The following MTUS2 variants were observed in gnomAD, a reference collection of about 807,000 sequenced individuals.
MTUS2 encodes microtubule-associated tumor suppressor candidate 2.
MTUS2 carries 40 observed loss-of-function variants against 114.1 expected under a neutral mutation model. That is an observed-to-expected ratio of 0.35 (90% CI 0.27 to 0.46). The LOEUF is 0.46. Among genes scored for constraint, MTUS2 ranks in the 20% least tolerant of loss-of-function variants. MTUS2 has a pLI of 1.00. For synonymous variants in MTUS2, 688 were observed against 672.0 expected, an observed-to-expected ratio of 1.02 and a Z score of -0.37; for missense variants, 1,679 against 1,705.4, an observed-to-expected ratio of 0.98 and a Z score of 0.27.
chr13:29,175,894 A>G (rs137956063), intron 5 of MTUS2, among the ~76,000 whole-genome samples: 18 of 152,262 alleles, frequency 1.2e-4, no homozygotes, highest in South Asian at 4.1e-4. Context: ...TTAAAGTACA[A>G]CTGTAACAGA....
At chr13:29,269,489 A>G (rs1390642432) in intron 5 of MTUS2, among the ~76,000 whole-genome samples, 1 of 152,216 alleles carries the variant, frequency 6.6e-6, no homozygotes, top group Non-Finnish European at 1.5e-5. Context: ...CACATCCAAA[A>G]TGAATACCAC....
chr13:29,429,129 A>G (rs1421759915), intron 8 of MTUS2, among the ~76,000 whole-genome samples: 1 of 152,216 alleles, frequency 6.6e-6, no homozygotes, highest in Non-Finnish European at 1.5e-5. Flanking sequence ...TGCAGTCTCA[A>G]ATGTAACTGT....
At chr13:28,927,492 G>C (rs1881386995) in intron 2 of MTUS2, among the ~76,000 whole-genome samples, 2 of 152,294 alleles carry the variant, frequency 1.3e-5, no homozygotes, top group Admixed American at 1.3e-4. Flanking sequence ...CTTGAGTCCA[G>C]GAGTTGGAGG....
At chr13:29,191,856 T>C (rs1307690026) in intron 5 of MTUS2, among the ~76,000 whole-genome samples, 4 of 152,370 alleles carry the variant, frequency 2.6e-5, no homozygotes, top group African/African-American at 9.6e-5. Flanking sequence ...CATCAATTTC[T>C]ATGCCTTCTT....
At chr13:29,159,084 A>G (rs1892988716) in intron 5 of MTUS2, among the ~76,000 whole-genome samples, 1 of 152,184 alleles carries the variant, frequency 6.6e-6, no homozygotes, top group Non-Finnish European at 1.5e-5. Flanking sequence ...ACCGTGGAGA[A>G]TGTTCGTGAT....
intron 2 of MTUS2, among the ~76,000 whole-genome samples, chr13:28,852,630 C>T (rs570338379): frequency 3.9e-5 from 6 of 152,062 alleles, no homozygotes; most frequent in East Asian, 1.9e-4. Flanking sequence ...TTTGGGAGGT[C>T]GAGGTGGGTG....
chr13:28,968,302 G>A (rs867654587), intron 2 of MTUS2, among the ~76,000 whole-genome samples: 24 of 152,206 alleles, frequency 1.6e-4, no homozygotes, highest in African/African-American at 5.5e-4. Flanking sequence ...ATATGCTTAG[G>A]TATTTAAAGG....
rs144128889 is a variant in MTUS2, at chr13:29,456,651, A to G, written c.3184+16602A>G. Among the ~76,000 whole-genome samples, 584 of 152,292 alleles carry G rather than the reference A, an allele frequency of 3.8e-3. 4 individuals are homozygous for G. Among genetic ancestry groups the G allele is most frequent in the African/African-American group, 0.013 (539 of 41,562 alleles). ...TACATGTAGGGGAACAAGGATGTAAATGACAGTTGGCCTTATCAGAAATGA... is the reference window on the plus strand; with the variant it reads ...TACATGTAGGGGAACAAGGATGTAAGTGACAGTTGGCCTTATCAGAAATGA... On this transcript the variant is annotated intron_variant, in intron 9 of 15. Transcript: ENST00000612955.
intron 2 of MTUS2, among the ~76,000 whole-genome samples, chr13:28,955,763 T>C (rs1883031118): frequency 1.3e-5 from 2 of 151,912 alleles, no homozygotes; most frequent in African/African-American, 4.8e-5. Context: ...AGCACCCACT[T>C]GACCTGGCAC....
intron 5 of MTUS2, among the ~76,000 whole-genome samples, chr13:29,230,355 C>T (rs936239573): frequency 2.6e-5 from 4 of 152,314 alleles, no homozygotes; most frequent in African/African-American, 7.2e-5. Flanking sequence ...ATAAAATCAC[C>T]TTGTGAGACT....
chr13:29,479,773 G>T (rs925680865), intron 9 of MTUS2, among the ~76,000 whole-genome samples: 2 of 152,204 alleles, frequency 1.3e-5, no homozygotes, highest in Non-Finnish European at 2.9e-5. Context: ...CACCCAGGGC[G>T]TATTTCAGAG....
At chr13:29,237,873 A>G (rs1011588381) in intron 5 of MTUS2, among the ~76,000 whole-genome samples, 1 of 152,184 alleles carries the variant, frequency 6.6e-6, no homozygotes, top group African/African-American at 2.4e-5. Flanking sequence ...AGCACCTCAC[A>G]CCCATTAAGA....
At chr13:29,402,521 T>TA (rs35043483) in intron 8 of MTUS2, among the ~76,000 whole-genome samples, 29,985 of 151,932 alleles carry the variant, frequency 0.2, 3,121 homozygotes, top group Middle Eastern at 0.26. Flanking sequence ...AAACAGAAGA[T>TA]ACAGGAAGAA....
chr13:28,937,608 C>T (rs916003603), intron 2 of MTUS2, among the ~76,000 whole-genome samples: 8 of 152,202 alleles, frequency 5.3e-5, no homozygotes, highest in Admixed American at 2.6e-4. Flanking sequence ...ACTCTGGACA[C>T]AGTTTCACAC....
intron 2 of MTUS2, among the ~76,000 whole-genome samples, chr13:28,931,438 A>G (rs549715466): frequency 6.6e-6 from 1 of 152,076 alleles, no homozygotes; most frequent in African/African-American, 2.4e-5. Context: ...ACAAGATATG[A>G]TGTTTTTATA....
At chr13:29,199,924 G>C (rs1894869328) in intron 5 of MTUS2, among the ~76,000 whole-genome samples, 1 of 151,992 alleles carries the variant, frequency 6.6e-6, no homozygotes, top group Non-Finnish European at 1.5e-5. Context: ...GTCTTGGGAG[G>C]GGTGTTTGTG....
intron 5 of MTUS2, among the ~76,000 whole-genome samples, chr13:29,169,711 C>T (rs754378122): frequency 6.6e-6 from 1 of 152,084 alleles, no homozygotes; most frequent in Non-Finnish European, 1.5e-5. Flanking sequence ...TTTTTCTTAT[C>T]CTGCTGAACT....
intron 5 of MTUS2, among the ~76,000 whole-genome samples, chr13:29,200,847 A>G (rs919375402): frequency 5.3e-5 from 8 of 152,090 alleles, no homozygotes; most frequent in African/African-American, 1.9e-4. Context: ...CCCGAGTTCT[A>G]ATTTGATTGC....
At chr13:29,342,165 TG>T (rs1566142304) in intron 7 of MTUS2, among the ~76,000 whole-genome samples, 2 of 152,118 alleles carry the variant, frequency 1.3e-5, no homozygotes, top group African/African-American at 4.8e-5. Flanking sequence ...ATTTTAGAAT[TG>T]TTTTTTTCTA....
Sources: allele counts gnomAD v4.1 joint callset (sites outside exome capture counted in the v4.1 genomes callset), GRCh38; gene constraint gnomAD v4.1.1; transcripts MANE v1.5; gene names NCBI Gene and HGNC (gene_info 2026-07-23, HGNC 2026-07-21).